Variants in WAC observed in about 807,000 individuals in gnomAD.
WAC encodes the protein WW domain containing adaptor with coiled-coil.
WAC carries 11 observed loss-of-function variants against 79.6 expected under a neutral mutation model. The observed-to-expected ratio is 0.14, with a 90% confidence interval of 0.09 to 0.23. The LOEUF (loss-of-function observed/expected upper bound fraction) is 0.23, where lower values mean the gene tolerates loss of function less well. WAC is among the 10% of genes least tolerant of loss of function. WAC has a pLI of 1.00. For missense variants in WAC, 728 were observed against 773.5 expected (o/e 0.94, Z 0.70); for synonymous variants, 304 against 276.9 (o/e 1.10, Z -0.97).
intron 4 of WAC, among the ~76,000 whole-genome samples, chr10:28,586,041 T>G (rs1351170374): frequency 6.6e-6 from 1 of 152,174 alleles, no homozygotes; most frequent in Non-Finnish European, 1.5e-5. Flanking sequence ...TTCTCTAGAT[T>G]TCACCTGTAG....
rs145351502 is a variant in WAC, at chr10:28,596,008, T to A, written c.886T>A (p.Ser296Thr). ...TTTATCAAAACTGCCTACACCCACA[T>A]CTTCTGTCCCTGCACAGAAAACAGA... ...STLSKLPTPT[S>T]SVPAQKTERK... Residue 296 changes from serine to threonine, a missense_variant, in exon 7 of 14, where the codon TCT becomes ACT. Physicochemically the swap from Ser to Thr is moderately conservative, Grantham distance 58 (BLOSUM62 1). Around this residue, in one of 3 missense-constraint regions of WAC, gnomAD observed 648 missense variants for 661.5 expected, o/e 0.98. Transcript: ENST00000354911. The A allele has an allele frequency of 2.0e-5, 32 of 1,613,980 alleles. No homozygotes were observed. The African/African-American group carries it at 3.9e-4, about 20-fold the overall frequency.
intron 11 of WAC, 50 bp downstream of exon 11, chr10:28,614,735 A>T: frequency 1.5e-6 from 2 of 1,372,446 alleles, no homozygotes; most frequent in Non-Finnish European, 2.1e-6. Context: ...TAATGATGGT[A>T]CACTGCATTG....
chr10:28,533,663 G>A, intron 1 of WAC, 43 bp downstream of exon 1: 1 of 1,528,298 alleles, frequency 6.5e-7, no homozygotes, highest in East Asian at 2.5e-5. Flanking sequence ...GGCGGGGGGC[G>A]GCGGCGGGGG....
intron 7 of WAC, among the ~76,000 whole-genome samples, 155 bp downstream of exon 7, chr10:28,596,196 C>T (rs1392039376): frequency 6.6e-6 from 1 of 151,718 alleles, no homozygotes; most frequent in Non-Finnish European, 1.5e-5. Flanking sequence ...GTAGAGTTAG[C>T]AATATTTAGC....
chr10:28,603,993 A>G (rs1225300927), intron 7 of WAC, among the ~76,000 whole-genome samples: 3 of 135,454 alleles, frequency 2.2e-5, no homozygotes, highest in African/African-American at 5.6e-5. Flanking sequence ...ATATATGTAT[A>G]TATATATATA....
At chr10:28,564,562 C>CCA (rs1026477363) in intron 3 of WAC, among the ~76,000 whole-genome samples, 20 of 152,142 alleles carry the variant, frequency 1.3e-4, no homozygotes, top group Non-Finnish European at 2.8e-4. Flanking sequence ...GAGAACAATA[C>CCA]CACACTACTC....
chr10:28,547,485 G>C (rs1176213419), intron 3 of WAC, among the ~76,000 whole-genome samples: 4 of 151,878 alleles, frequency 2.6e-5, no homozygotes, highest in Non-Finnish European at 5.9e-5. Context: ...CAGTGAGCCT[G>C]GGTCATGCCA....
chr10:28,596,780 A>T (rs977014991), intron 7 of WAC, among the ~76,000 whole-genome samples: 4 of 152,206 alleles, frequency 2.6e-5, no homozygotes, highest in African/African-American at 9.6e-5. Context: ...ATCCATTAGC[A>T]GACCATTAGT....
chr10:28,591,724 G>T (rs757269918), intron 6 of WAC: 1 of 150,966 alleles, frequency 6.6e-6, no homozygotes, highest in Admixed American at 6.7e-5. Context: ...CCACGCAGCT[G>T]TAATCCCAGC....
chr10:28,552,783 T>C (rs1333980436), intron 3 of WAC, among the ~76,000 whole-genome samples: 1 of 151,340 alleles, frequency 6.6e-6, no homozygotes, highest in Non-Finnish European at 1.5e-5. Flanking sequence ...TCTTGGGATC[T>C]GGATGTTGTC....
At chr10:28,580,568 C>A (rs1320844618) in intron 3 of WAC, among the ~76,000 whole-genome samples, 1 of 152,056 alleles carries the variant, frequency 6.6e-6, no homozygotes, top group Non-Finnish European at 1.5e-5. Flanking sequence ...TAATGGATTA[C>A]TCTGGGATTT....
At chr10:28,582,487 T>C (rs1839589467) in intron 3 of WAC, among the ~76,000 whole-genome samples, 1 of 152,236 alleles carries the variant, frequency 6.6e-6, no homozygotes, top group Non-Finnish European at 1.5e-5. Flanking sequence ...TGATAATTCC[T>C]GGACCACTGG....
Position 28,611,816 on chromosome 10 carries a change from C to G in WAC, c.1331C>G (p.Ala444Gly), listed in dbSNP as rs771242997. 1.2e-6 allele frequency: 2 copies of G among 1,613,936 alleles called. No homozygotes were observed. The highest frequency in any genetic ancestry group is 4.5e-5 in the East Asian group (2 of 44,886). ...TCTCCGATGTCTTTAACATCTGATGCGTCATCCCCAAGATCATATGTTTCT... is the reference window on the plus strand; with the variant it reads ...TCTCCGATGTCTTTAACATCTGATGGGTCATCCCCAAGATCATATGTTTCT... ...NQSPMSLTSD[A>G]SSPRSYVSPR... is the part of the protein sequence containing the mutation. Residue 444 changes from alanine (A) to glycine (G), a missense_variant, in exon 10 of 14, where the codon GCG becomes GGG. Transcript: ENST00000354911.
At chr10:28,593,396 A>G (rs1840195931) in intron 6 of WAC, among the ~76,000 whole-genome samples, 1 of 152,184 alleles carries the variant, frequency 6.6e-6, no homozygotes, top group Non-Finnish European at 1.5e-5. Context: ...TTTTACATGT[A>G]AAGAGATAAA....
intron 7 of WAC, among the ~76,000 whole-genome samples, chr10:28,603,267 T>A (rs1190807330): frequency 1.3e-5 from 2 of 152,218 alleles, no homozygotes; most frequent in Non-Finnish European, 2.9e-5. Flanking sequence ...TAAGAAAATT[T>A]ACAAATTTGT....
chr10:28,583,491 A>G lies in WAC; in HGVS notation c.367A>G (p.Lys123Glu). 1.3e-6 allele frequency: 2 copies of G among 1,579,410 alleles called. No homozygotes were observed. The highest frequency in any genetic ancestry group is 1.7e-6 in the Non-Finnish European group (2 of 1,164,702). The change falls in exon 4 of 14, where the codon AAA becomes GAA. Residue 123 changes from lysine (K) to glutamate (E), a missense_variant. Physicochemically the swap from Lys to Glu is moderately conservative, Grantham distance 56 (BLOSUM62 1). Around this residue, in one of 3 missense-constraint regions of WAC, gnomAD observed 648 missense variants for 661.5 expected, o/e 0.98. Coordinates refer to ENST00000354911, the MANE Select transcript of WAC (RefSeq NM_016628.5). ...HSSNPSNNPS[K>E]TSDAPYDSAD... ...TTCTAATCCAAGCAATAACCCAAGC[A>G]AAACTTCAGATGCAGTAAGTATTAT...
intron 3 of WAC, among the ~76,000 whole-genome samples, chr10:28,549,141 C>G (rs751818824): frequency 6.8e-6 from 1 of 146,990 alleles, no homozygotes. Context: ...TTAAGTAATC[C>G]TCCTGCTTCA....
At chr10:28,597,566 C>T (rs528790036) in intron 7 of WAC, among the ~76,000 whole-genome samples, 1 of 152,072 alleles carries the variant, frequency 6.6e-6, no homozygotes, top group South Asian at 2.1e-4. Context: ...CTTTTTTCCT[C>T]TGTTTGGTTC....
chr10:28,538,457 C>G (rs1034844159), intron 3 of WAC: 1 of 159,206 alleles, frequency 6.3e-6, no homozygotes, highest in African/African-American at 2.4e-5. Context: ...TGGCGAGTGC[C>G]TGTAATCCCA....
Sources: gnomAD v4.1 joint callset for allele counts (sites outside exome capture counted in the v4.1 genomes callset) on GRCh38, gnomAD v4.1.1 for gene constraint, gnomAD v4.1.1 regional missense constraint, MANE v1.5 for transcripts, NCBI Gene and HGNC (gene_info 2026-07-23, HGNC 2026-07-21) for gene names.